The following SCN1A variants were observed in gnomAD, a reference collection of about 807,000 sequenced individuals.
SCN1A encodes sodium channel protein type 1 subunit alpha.
In SCN1A, 13 loss-of-function variants were observed where a neutral mutation model predicts 193.7. The observed-to-expected ratio is 0.07, with a 90% confidence interval of 0.04 to 0.11. The LOEUF (loss-of-function observed/expected upper bound fraction) is 0.11, where lower values mean the gene tolerates loss of function less well. Among genes scored for constraint, SCN1A ranks in the 10% least tolerant of loss-of-function variants. The pLI is 1.00. For synonymous variants in SCN1A, 781 were observed against 843.6 expected (o/e 0.93, Z 1.29); for missense variants, 1,432 against 2,451.1 (o/e 0.58, Z 8.78).
intron 4 of SCN1A, among the ~76,000 whole-genome samples, chr2:166,062,962 G>A (rs1427152099): frequency 6.6e-6 from 1 of 151,966 alleles, no homozygotes; most frequent in Non-Finnish European, 1.5e-5. Flanking sequence ...GAGGAGAAAA[G>A]GTTTATACAG....
intron 2 of SCN1A, among the ~76,000 whole-genome samples, chr2:166,093,085 T>G (rs1318538694): frequency 6.6e-6 from 1 of 151,720 alleles, no homozygotes; most frequent in East Asian, 1.9e-4. Flanking sequence ...TTAAATGAAG[T>G]AAGAGTGAGT....
chr2:166,087,305 A>G (rs1686245395), intron 2 of SCN1A, among the ~76,000 whole-genome samples: 1 of 152,118 alleles, frequency 6.6e-6, no homozygotes. Flanking sequence ...TGTCTCTACT[A>G]AAAACACAAA....
At chr2:166,113,469 T>C (rs1449124711) in intron 2 of SCN1A, among the ~76,000 whole-genome samples, 1 of 152,144 alleles carries the variant, frequency 6.6e-6, no homozygotes, top group East Asian at 1.9e-4. Flanking sequence ...CCAATAAATA[T>C]GAATATTACC....
intron 1 of SCN1A, among the ~76,000 whole-genome samples, chr2:166,146,415 C>A (rs543614145): frequency 1.3e-5 from 2 of 152,172 alleles, no homozygotes; most frequent in African/African-American, 4.8e-5. Context: ...TATGATGGAA[C>A]TTTTCATAGC....
At chr2:166,097,333 C>T (rs1249654325) in intron 2 of SCN1A, among the ~76,000 whole-genome samples, 1 of 152,090 alleles carries the variant, frequency 6.6e-6, no homozygotes, top group Non-Finnish European at 1.5e-5. Context: ...CACTTCGTTT[C>T]TATTTTTGAA....
chr2:165,996,024 G>T lies in SCN1A; in HGVS notation c.4570C>A (p.Pro1524Thr), dbSNP rs143088184. Reference sequence around the variant, plus strand: ...TTGATACTTCTTACTCCTGGTCGAGGTATAGGCTTTTGCGGTTTTTTCGAT... The same window carrying T: ...TTGATACTTCTTACTCCTGGTCGAGTTATAGGCTTTTGCGGTTTTTTCGAT... ...LGSKKPQKPI[P>T]RPGNKFQGMV... The change falls in exon 27 of 29, where the codon CCT becomes ACT. Residue 1524 changes from proline to threonine, a missense_variant. Pro to Thr is a conservative substitution (Grantham distance 38). Transcript: ENST00000674923. The T allele has an allele frequency of 1.1e-5, 17 of 1,600,616 alleles. No individual in the cohort carries two copies. In the African/African-American group the frequency reaches 1.2e-4, roughly 11 times the overall value.
intron 1 of SCN1A, among the ~76,000 whole-genome samples, chr2:166,144,541 A>G (rs1574654447): frequency 6.6e-6 from 1 of 152,060 alleles, no homozygotes; most frequent in Non-Finnish European, 1.5e-5. Context: ...AATTAAGCAT[A>G]TGATACGAAT....
chr2:166,082,763 A>G (rs1685672584), intron 2 of SCN1A, among the ~76,000 whole-genome samples: 1 of 152,106 alleles, frequency 6.6e-6, no homozygotes, highest in Non-Finnish European at 1.5e-5. Context: ...AGTTCAATAT[A>G]GTTGTGCAAC....
chr2:166,051,593 A>T, intron 9 of SCN1A, 126 bp downstream of exon 9: 1 of 668,336 alleles, frequency 1.5e-6, no homozygotes, highest in Non-Finnish European at 2.5e-6. Context: ...GTTTTGATAC[A>T]GGCCTGCAAT....
chr2:166,123,980 A>G (rs1690935245), intron 2 of SCN1A, among the ~76,000 whole-genome samples: 1 of 152,020 alleles, frequency 6.6e-6, no homozygotes, highest in African/African-American at 2.4e-5. Context: ...GCCTCATTAG[A>G]TTTCTGCTTA....
At chr2:166,108,451 C>T (rs1291792504) in intron 2 of SCN1A, among the ~76,000 whole-genome samples, 2 of 151,910 alleles carry the variant, frequency 1.3e-5, no homozygotes, top group Non-Finnish European at 2.9e-5. Flanking sequence ...TAATTTCATT[C>T]CTAGGTATCT....
intron 23 of SCN1A, among the ~76,000 whole-genome samples, chr2:166,006,696 A>C (rs1397180924): frequency 6.6e-6 from 1 of 151,370 alleles, no homozygotes; most frequent in Non-Finnish European, 1.5e-5. Context: ...ATGAACTTAC[A>C]CAATAAAAAA....
intron 2 of SCN1A, chr2:166,109,637 T>C (rs2106189097): frequency 6.6e-6 from 1 of 152,342 alleles, no homozygotes; most frequent in South Asian, 2.1e-4. Flanking sequence ...TTTTCACTAT[T>C]ATTATATCTG....
intron 4 of SCN1A, among the ~76,000 whole-genome samples, chr2:166,063,190 C>G (rs575176214): frequency 6.6e-6 from 1 of 152,072 alleles, no homozygotes; most frequent in African/African-American, 2.4e-5. Context: ...AAATTAATAA[C>G]ATCATTTTAA....
intron 15 of SCN1A, among the ~76,000 whole-genome samples, chr2:166,041,916 C>T (rs150841495): frequency 5.9e-5 from 9 of 152,290 alleles, no homozygotes; most frequent in African/African-American, 2.2e-4. Context: ...AAATGACCTG[C>T]TCTTCCTCTA....
chr2:166,073,607 C>T lies in SCN1A; in HGVS notation c.15G>A (p.Val5=). The stretch of plus-strand genomic sequence containing the variant: ...AGCTGTCAGGTCCTGGTGGTACAAG[C>T]ACTGTTTGCTCCATCTTGTCATCCT... MEQT[V]LVPPGPDSFN... is the part of the protein sequence containing the mutation. Residue 5 remains valine (V), a synonymous_variant, in exon 4 of 29, where the codon GTG becomes GTA. Coordinates refer to ENST00000674923, the MANE Select transcript of SCN1A (RefSeq NM_001165963.4). 1 of 1,614,166 alleles carries T rather than the reference C, an allele frequency of 6.2e-7. No homozygotes were observed. The highest frequency in any genetic ancestry group is 1.1e-5 in the South Asian group (1 of 91,082).
At chr2:166,111,818 A>G (rs1458208927) in intron 2 of SCN1A, among the ~76,000 whole-genome samples, 1 of 152,170 alleles carries the variant, frequency 6.6e-6, no homozygotes, top group Non-Finnish European at 1.5e-5. Context: ...TTTGAGGGGT[A>G]CAAGATTCAG....
intron 22 of SCN1A, 67 bp from the exon 23 acceptor site, chr2:166,009,908 TACA>T (rs1327775993): frequency 2.3e-5 from 32 of 1,417,072 alleles, no homozygotes; most frequent in South Asian, 5.8e-5. Flanking sequence ...TGCTATATAA[TACA>T]ACAAGTATAA....
chr2:166,131,451 A>G (rs968334960), upstream of SCN1A, among the ~76,000 whole-genome samples: 3 of 151,920 alleles, frequency 2.0e-5, no homozygotes, highest in East Asian at 5.8e-4. Flanking sequence ...TGTCAGTTGC[A>G]CTGCTCAGTG....
Sources: gnomAD v4.1 joint callset for allele counts (sites outside exome capture counted in the v4.1 genomes callset) on GRCh38, gnomAD v4.1.1 for gene constraint, MANE v1.5 for transcripts, NCBI Gene and HGNC (gene_info 2026-07-23, HGNC 2026-07-21) for gene names.